Variants in JAK2 observed in about 807,000 individuals in gnomAD.
JAK2 encodes Janus kinase 2, also known as tyrosine-protein kinase JAK2.
In JAK2, 86 loss-of-function variants were observed where a neutral mutation model predicts 139.3. The ratio of observed to expected loss-of-function variants is 0.62; its 90% confidence interval spans 0.52 to 0.74. The LOEUF (loss-of-function observed/expected upper bound fraction) is 0.74, where lower values mean the gene tolerates loss of function less well. Among genes scored for constraint, JAK2 ranks in the 30% least tolerant of loss-of-function variants. The probability of loss-of-function intolerance (pLI) is 0.00; values close to 1 mark genes in which losing one functional copy is unlikely to be tolerated. For synonymous variants in JAK2, 490 were observed against 437.7 expected (o/e 1.12, Z -1.49); for missense variants, 1,421 against 1,360.3 (o/e 1.04, Z -0.70).
intron 22 of JAK2, chr9:5,098,521 T>C (rs941545322): frequency 2.6e-5 from 4 of 152,142 alleles, no homozygotes; most frequent in African/African-American, 9.7e-5. Context: ...GCCCAAGAAA[T>C]TGAGACTGTT....
At chr9:5,004,137 G>C (rs895415165) in intron 2 of JAK2, among the ~76,000 whole-genome samples, 1 of 152,004 alleles carries the variant, frequency 6.6e-6, no homozygotes, top group Non-Finnish European at 1.5e-5. Flanking sequence ...ATCTTTTGTG[G>C]TGAGAACACT....
At chr9:5,114,408 T>C (rs188443822) in intron 22 of JAK2, 51 of 506,962 alleles carry the variant, frequency 1.0e-4, no homozygotes. Flanking sequence ...CACCAGAGAC[T>C]GGATCAAGGG....
At chr9:5,040,811 T>C (rs1007196187) in intron 4 of JAK2, 1 of 208,072 alleles carries the variant, frequency 4.8e-6, no homozygotes, top group Non-Finnish European at 9.8e-6. Flanking sequence ...GTGCAGGAGC[T>C]GGAGCGGGGC....
At chr9:5,090,971 T>A (rs1308580389) in intron 22 of JAK2, 60 bp downstream of exon 22, 1 of 1,178,764 alleles carries the variant, frequency 8.5e-7, no homozygotes, top group African/African-American at 1.6e-5. Context: ...ACTTTATTGT[T>A]GTTATTTAAT....
intron 24 of JAK2, 64 bp downstream of exon 24, chr9:5,126,510 C>A: frequency 8.7e-7 from 1 of 1,142,876 alleles, no homozygotes; most frequent in Non-Finnish European, 1.3e-6. Context: ...TCAAGGACTT[C>A]AGTTCACTTC....
intron 22 of JAK2, among the ~76,000 whole-genome samples, chr9:5,107,540 G>T (rs946697852): frequency 2.0e-5 from 3 of 151,878 alleles, no homozygotes; most frequent in Admixed American, 2.0e-4. Context: ...ATTTACAAAA[G>T]AACTCAAAAA....
chr9:5,108,182 AC>A (rs1822129187), intron 22 of JAK2: 2 of 151,972 alleles, frequency 1.3e-5, no homozygotes, highest in African/African-American at 4.8e-5. Context: ...TCAATGAATC[AC>A]CCCCACAAAA....
intron 2 of JAK2, among the ~76,000 whole-genome samples, chr9:5,019,320 T>C (rs1348636582): frequency 6.6e-6 from 1 of 152,162 alleles, no homozygotes; most frequent in Non-Finnish European, 1.5e-5. Flanking sequence ...TCTTCGTAGA[T>C]GCTCTAGAAT....
chr9:5,101,468 G>C (rs1021907788), intron 22 of JAK2, among the ~76,000 whole-genome samples: 4 of 152,244 alleles, frequency 2.6e-5, no homozygotes, highest in African/African-American at 9.6e-5. Context: ...TAGCTGAAAA[G>C]GCAGCAGAAA....
chr9:5,035,427 C>T (rs1343451555), intron 4 of JAK2, among the ~76,000 whole-genome samples: 2 of 152,074 alleles, frequency 1.3e-5, no homozygotes, highest in African/African-American at 4.8e-5. Flanking sequence ...AGAGACACAA[C>T]CAAAAAGGAG....
At chr9:5,069,253 G>A in intron 11 of JAK2, 45 bp downstream of exon 11, 1 of 1,347,234 alleles carries the variant, frequency 7.4e-7, no homozygotes, top group Non-Finnish European at 1.0e-6. Context: ...GTCATGGATT[G>A]TTTATGTGGC....
At chr9:5,089,613 ATTTAT>A in intron 19 of JAK2, 56 bp from the exon 20 acceptor site, 1 of 733,794 alleles carries the variant, frequency 1.4e-6, no homozygotes, top group Non-Finnish European at 2.0e-6. Context: ...TAATTATAAA[ATTTAT>A]TTGTAATTTG....
chr9:5,059,125 C>A (rs1418434860), intron 8 of JAK2, among the ~76,000 whole-genome samples: 1 of 152,094 alleles, frequency 6.6e-6, no homozygotes, highest in African/African-American at 2.4e-5. Flanking sequence ...GTGTATAGCT[C>A]AATGAATTTT....
chr9:4,999,057 C>A (rs983682607), intron 2 of JAK2, among the ~76,000 whole-genome samples: 2 of 152,010 alleles, frequency 1.3e-5, no homozygotes, highest in East Asian at 3.9e-4. Context: ...GATCTCCTGA[C>A]CTTGTGATCC....
rs894932932 is a variant in JAK2, at chr9:5,128,966, C to G, written c.*2175C>G. On this transcript the variant is annotated 3_prime_UTR_variant, in exon 25 of 25. Coordinates refer to ENST00000381652, the MANE Select transcript of JAK2 (RefSeq NM_004972.4). ...ACAATCTTTATATAAATGACTTTTT[C>G]CATGGGTACTTGTTTGGAAAATAGT... Among the ~76,000 whole-genome samples, 3 of 151,890 alleles carry G rather than the reference C, an allele frequency of 2.0e-5. No homozygotes were observed. Among genetic ancestry groups the G allele is most frequent in the African/African-American group, 4.8e-5 (2 of 41,412 alleles).
chr9:5,034,879 C>T (rs1395828633), intron 4 of JAK2, among the ~76,000 whole-genome samples: 1 of 152,044 alleles, frequency 6.6e-6, no homozygotes, highest in Non-Finnish European at 1.5e-5. Context: ...CAAGAAATAA[C>T]TGAGATCAGA....
intron 12 of JAK2, among the ~76,000 whole-genome samples, chr9:5,071,404 T>C (rs1453836743): frequency 6.6e-6 from 1 of 152,028 alleles, no homozygotes; most frequent in African/African-American, 2.4e-5. Context: ...AAAATACATA[T>C]ACATGTTTAA....
At chr9:5,050,021 A>G (rs1563957335) in intron 5 of JAK2, among the ~76,000 whole-genome samples, 1 of 152,222 alleles carries the variant, frequency 6.6e-6, no homozygotes, top group Admixed American at 6.5e-5. Context: ...TATGGGGCAC[A>G]TGGCTATTTC....
chr9:5,115,761 G>C (rs1260722814), intron 22 of JAK2, among the ~76,000 whole-genome samples: 1 of 152,142 alleles, frequency 6.6e-6, no homozygotes, highest in African/African-American at 2.4e-5. Context: ...GTCCTTTGCA[G>C]GGACAAAGAT....
Sources: gnomAD v4.1 joint callset for allele counts (sites outside exome capture counted in the v4.1 genomes callset) on GRCh38, gnomAD v4.1.1 for gene constraint, MANE v1.5 for transcripts, NCBI Gene and HGNC (gene_info 2026-07-23, HGNC 2026-07-21) for gene names.